Variants in CHRNA4 observed in about 807,000 individuals in gnomAD.
The protein encoded by CHRNA4 is cholinergic receptor nicotinic alpha 4 subunit.
A neutral mutation model predicts 48.9 loss-of-function variants in CHRNA4; 28 were observed. That is an observed-to-expected ratio of 0.57 (90% CI 0.42 to 0.79). CHRNA4 has a LOEUF of 0.79. CHRNA4 is among the 30% of genes least tolerant of loss of function. The pLI is 0.00. For synonymous variants in CHRNA4, 425 were observed against 402.3 expected (o/e 1.06, Z -0.68); for missense variants, 859 against 898.4 (o/e 0.96, Z 0.56).
At position 63,344,555 on chromosome 20, in the gene CHRNA4, G is replaced by A. The variant is rs775516734; in HGVS notation, c.*2183C>T. On this transcript the variant is annotated 3_prime_UTR_variant, in exon 6 of 6. Transcript: ENST00000370263. This position sits in a 1 kb window ranked among gnomAD's most constrained non-coding sequence, Gnocchi z 4.5. Reference sequence around the variant, plus strand: ...GGCAAGCGGCCACCCCCGGCAGGAGGGTCCCCCGGCAGGAGCGTCCCAGCC... The same window carrying A: ...GGCAAGCGGCCACCCCCGGCAGGAGAGTCCCCCGGCAGGAGCGTCCCAGCC... 7 of 452,938 alleles carry A rather than the reference G, an allele frequency of 1.5e-5. No homozygotes were observed. Among genetic ancestry groups the A allele is most frequent in the Admixed American group, 2.4e-5 (1 of 42,482 alleles). 28.1% of individuals were successfully genotyped at this position (452,938 alleles called of 1,614,324 possible).
intron 4 of CHRNA4, among the ~76,000 whole-genome samples, chr20:63,353,190 G>A (rs1048871550): frequency 2.0e-5 from 3 of 152,220 alleles, no homozygotes; most frequent in Admixed American, 6.5e-5. Context: ...GAAGGGCCGA[G>A]GCCTCCCACC....
rs2123471818 is a variant in CHRNA4, at chr20:63,350,408, G to A, written c.1003C>T (p.Pro335Ser). Residue 335 changes from proline (P) to serine (S), a missense_variant, in exon 5 of 6, where the codon CCA becomes TCA. Coordinates refer to ENST00000370263, the MANE Select transcript of CHRNA4 (RefSeq NM_000744.7). ...VFVLNVHHRS[P>S]RTHTMPTWVR... Reference sequence around the variant, plus strand: ...CAGGTGGGCATGGTGTGCGTGCGTGGCGAGCGGTGGTGCACGTTGAGCACG... The same window carrying A: ...CAGGTGGGCATGGTGTGCGTGCGTGACGAGCGGTGGTGCACGTTGAGCACG... 1 of 1,613,936 alleles carries A rather than the reference G, an allele frequency of 6.2e-7. No homozygotes were observed. The highest frequency in any genetic ancestry group is 8.5e-7 in the Non-Finnish European group (1 of 1,180,036).
chr20:63,343,776 G>A lies in CHRNA4; in HGVS notation c.*2962C>T, dbSNP rs1192096273. The A allele has an allele frequency of 3.7e-5, 17 of 453,526 alleles. No homozygotes were observed. The highest frequency in any genetic ancestry group is 1.8e-4 in the African/African-American group (9 of 50,014). The allele number at this position is 453,526 out of a possible 1,614,324, so 28.1% of individuals were successfully genotyped here. A position where few individuals can be genotyped will look rare whatever the true frequency, so the allele number is the denominator to read the frequency against. On this transcript the variant is annotated 3_prime_UTR_variant, in exon 6 of 6. Coordinates refer to ENST00000370263, the MANE Select transcript of CHRNA4 (RefSeq NM_000744.7). ...AGGGGCCGGCGCCCCGGCAGGCTTCGAGCTGCAGCAGTGTCTCCCGCTGCC... is the reference window on the plus strand; with the variant it reads ...AGGGGCCGGCGCCCCGGCAGGCTTCAAGCTGCAGCAGTGTCTCCCGCTGCC...
chr20:63,359,408 C>T (rs1601494756), intron 2 of CHRNA4, 140 bp downstream of exon 2: 10 of 1,089,602 alleles, frequency 9.2e-6, no homozygotes, highest in Non-Finnish European at 1.2e-5. Flanking sequence ...TGGTGGCTGT[C>T]GTTCTGACGT....
intron 5 of CHRNA4, 145 bp downstream of exon 5, chr20:63,349,508 G>T: frequency 9.2e-7 from 1 of 1,083,312 alleles, no homozygotes; most frequent in Non-Finnish European, 1.4e-6. Flanking sequence ...GGAAGAGGCT[G>T]CTGCAGCAGG....
intron 5 of CHRNA4, 112 bp downstream of exon 5, chr20:63,349,541 C>T (rs561893470): frequency 1.9e-5 from 27 of 1,401,482 alleles, no homozygotes; most frequent in Middle Eastern, 2.3e-4. Context: ...CACCCCAAAG[C>T]GAAGCAGCCT....
At chr20:63,347,598 G>A (rs2068516531) in intron 5 of CHRNA4, among the ~76,000 whole-genome samples, 2 of 152,204 alleles carry the variant, frequency 1.3e-5, no homozygotes. Context: ...CCTGGAGTCG[G>A]GAAGCCACTC....
chr20:63,346,972 C>T (rs1000245569), intron 5 of CHRNA4, 109 bp from the exon 6 acceptor site: 43 of 1,525,772 alleles, frequency 2.8e-5, no homozygotes, highest in Admixed American at 1.7e-5. Context: ...CCACCTTCCA[C>T]CCGAGGCAGC....
In CHRNA4 at chr20:63,356,863, G is replaced by C. The variant is rs1042965220; in HGVS notation, c.229-448C>G. Among the ~76,000 whole-genome samples, 100 of 152,296 alleles carry C rather than the reference G, an allele frequency of 6.6e-4. 1 individual carries two copies. Among genetic ancestry groups the C allele is most frequent in the African/African-American group, 2.3e-3 (95 of 41,556 alleles). On this transcript the variant is annotated intron_variant, in intron 2 of 5. Transcript: ENST00000370263. ...TGGCCAGGGTGGCCCCTCCAGGACT[G>C]TGCCTCATGACCTGAGCAGGTGGGA...
At chr20:63,352,326 G>A (rs973376913) in intron 4 of CHRNA4, among the ~76,000 whole-genome samples, 4 of 152,252 alleles carry the variant, frequency 2.6e-5, no homozygotes, top group Admixed American at 6.5e-5. Context: ...TTGTGGAGCC[G>A]CCACTGCTGG....
Position 63,346,708 on chromosome 20 carries a change from C to A in CHRNA4, c.*30G>T. 1 of 1,592,824 alleles carries A rather than the reference C, an allele frequency of 6.3e-7. No individual in the cohort carries two copies. Among genetic ancestry groups the A allele is most frequent in the Non-Finnish European group, 8.5e-7 (1 of 1,174,030 alleles). ...TGGATGCTGGCCCCGTGCACGGCAG[C>A]CCCAGGCCACGCAGGCTCCCGGTCC... is the stretch of plus-strand genomic sequence containing the variant. On this transcript the variant is annotated 3_prime_UTR_variant, in exon 6 of 6. Coordinates refer to ENST00000370263, the MANE Select transcript of CHRNA4 (RefSeq NM_000744.7).
rs199642548 is a variant in CHRNA4, at chr20:63,343,718, A to G, written c.*3020T>C. The G allele has an allele frequency of 6.7e-6, 3 of 448,396 alleles. No individual in the cohort carries two copies. The highest frequency in any genetic ancestry group is 4.0e-5 in the African/African-American group (2 of 49,818). 27.8% of individuals were successfully genotyped at this position (448,396 alleles called of 1,614,324 possible). On this transcript the variant is annotated 3_prime_UTR_variant, in exon 6 of 6. Coordinates refer to ENST00000370263, the MANE Select transcript of CHRNA4 (RefSeq NM_000744.7). The stretch of plus-strand genomic sequence containing the variant: ...GGCCTTCACTGGGGCCTCCCCTGGG[A>G]AGGAGGGGGCAGGATGGCGCAAGCA...
In CHRNA4 at chr20:63,350,318, T is replaced by G. The variant is rs1351821250; in HGVS notation, c.1093A>C (p.Lys365Gln). ...LLLMKRPSVV[K>Q]DNCRRLIESM... is the part of the protein sequence containing the mutation. ...TCGATGAGCCGCCGGCAATTGTCCT[T>G]GACCACGGACGGCCGCTTCATGAGG... Residue 365 changes from lysine to glutamine, a missense_variant, in exon 5 of 6, where the codon AAG becomes CAG. By Grantham distance (53) the Lys-to-Gln change is moderately conservative. Coordinates refer to ENST00000370263, the MANE Select transcript of CHRNA4 (RefSeq NM_000744.7). The G allele has an allele frequency of 6.2e-7, 1 of 1,613,200 alleles. No individual in the cohort carries two copies. Among genetic ancestry groups the G allele is most frequent in the Non-Finnish European group, 8.5e-7 (1 of 1,180,034 alleles).
chr20:63,355,866 C>A (rs2068708502), intron 4 of CHRNA4, 109 bp downstream of exon 4: 3 of 1,474,396 alleles, frequency 2.0e-6, no homozygotes, highest in Admixed American at 1.9e-5. Flanking sequence ...ATAGGCCCCG[C>A]TGGGCCAGGC....
Position 63,350,712 on chromosome 20 carries a change from G to A in CHRNA4, c.699C>T (p.Ile233=), listed in dbSNP as rs770005515. The A allele has an allele frequency of 6.2e-7, 1 of 1,613,946 alleles. No individual in the cohort carries two copies. The highest frequency in any genetic ancestry group is 8.5e-7 in the Non-Finnish European group (1 of 1,180,008). ...GCCGCCGGATGACGAAGGCATAGGT[G>A]ATGTCCGGGTAGATCTCGGCACAGC... ...YECCAEIYPD[I]TYAFVIRRLP... is the part of the protein sequence containing the mutation. The change falls in exon 5 of 6, where the codon ATC becomes ATT. Residue 233 remains isoleucine, a synonymous_variant. Transcript: ENST00000370263.
intron 5 of CHRNA4, among the ~76,000 whole-genome samples, chr20:63,348,852 G>C (rs1215118845): frequency 6.6e-6 from 1 of 152,018 alleles, no homozygotes; most frequent in Admixed American, 6.6e-5. Context: ...GCTACCTGGT[G>C]CTGGGGTCAG....
intron 4 of CHRNA4, among the ~76,000 whole-genome samples, chr20:63,351,688 G>A (rs947249339): frequency 2.0e-5 from 3 of 152,264 alleles, no homozygotes; most frequent in Non-Finnish European, 4.4e-5. Context: ...GGCCAATGCA[G>A]TGGGGCTGCA....
chr20:63,361,228 C>G lies in CHRNA4; in HGVS notation c.-63G>C. On this transcript the variant is annotated 5_prime_UTR_variant, in exon 1 of 6. Transcript: ENST00000370263. ...CCCGGCTCCCCGCCGCTTCGAGGCC[C>G]GTGCGCGCCCAACTTCATGCCTCCC... 2.1e-6 allele frequency: 3 copies of G among 1,439,150 alleles called. No individual in the cohort carries two copies. The highest frequency in any genetic ancestry group is 2.7e-6 in the Non-Finnish European group (3 of 1,098,898). 89.1% of individuals were successfully genotyped at this position (1,439,150 alleles called of 1,614,324 possible). A position where few individuals can be genotyped will look rare whatever the true frequency, so the allele number is the denominator to read the frequency against.
chr20:63,345,009 C>A lies in CHRNA4; in HGVS notation c.*1729G>T. On this transcript the variant is annotated 3_prime_UTR_variant, in exon 6 of 6. Coordinates refer to ENST00000370263, the MANE Select transcript of CHRNA4 (RefSeq NM_000744.7). This position sits in a 1 kb window ranked among gnomAD's most constrained non-coding sequence, Gnocchi z 5.4. ...CCTCAGGACCCCGGTCACAGGCACC[C>A]GGGGGTGGGGGTGACCAGCAGCAGT... 4.5e-6 allele frequency: 2 copies of A among 442,264 alleles called. No individual in the cohort carries two copies. Among genetic ancestry groups the A allele is most frequent in the Non-Finnish European group, 9.2e-6 (2 of 217,668 alleles). 27.4% of individuals were successfully genotyped at this position (442,264 alleles called of 1,614,324 possible). A position where few individuals can be genotyped will look rare whatever the true frequency, so the allele number is the denominator to read the frequency against.
Sources: allele counts gnomAD v4.1 joint callset (sites outside exome capture counted in the v4.1 genomes callset), GRCh38; gene constraint gnomAD v4.1.1; non-coding constraint Gnocchi (gnomAD v3.1); transcripts MANE v1.5; gene names NCBI Gene and HGNC (gene_info 2026-07-23, HGNC 2026-07-21).